Variants in SUPV3L1 observed in about 807,000 individuals in gnomAD.
SUPV3L1 encodes the protein ATP-dependent RNA helicase SUPV3L1, mitochondrial.
SUPV3L1 carries 35 observed loss-of-function variants against 70.0 expected under a neutral mutation model. The ratio of observed to expected loss-of-function variants is 0.50; its 90% CI spans 0.38 to 0.66. SUPV3L1 has a LOEUF of 0.66. Among genes scored for constraint, SUPV3L1 ranks in the 30% least tolerant of loss-of-function variants. SUPV3L1 has a pLI of 0.00. For synonymous variants in SUPV3L1, 364 were observed against 341.9 expected, an observed-to-expected ratio of 1.06 and a Z score of -0.71; for missense variants, 777 against 961.5, an observed-to-expected ratio of 0.81 and a Z score of 2.54.
chr10:69,180,879 C>A (rs1280966317), intron 1 of SUPV3L1, among the ~76,000 whole-genome samples: 2 of 152,196 alleles, frequency 1.3e-5, no homozygotes, highest in Non-Finnish European at 2.9e-5. Flanking sequence ...CTCTTTCTTG[C>A]ATTCTTTGTT....
At chr10:69,192,126 A>T (rs1365031532) in intron 6 of SUPV3L1, 1 of 157,436 alleles carries the variant, frequency 6.4e-6, no homozygotes, top group African/African-American at 2.4e-5. Flanking sequence ...TTAATTTTAA[A>T]ATACACTTGA....
intron 1 of SUPV3L1, among the ~76,000 whole-genome samples, chr10:69,184,520 A>T (rs1842161359): frequency 6.6e-6 from 1 of 152,094 alleles, no homozygotes; most frequent in African/African-American, 2.4e-5. Context: ...GGGCAACAAG[A>T]GTGAAACACT....
chr10:69,207,059 G>A (rs1040543691), intron 13 of SUPV3L1, among the ~76,000 whole-genome samples: 2 of 152,128 alleles, frequency 1.3e-5, no homozygotes, highest in Non-Finnish European at 2.9e-5. Context: ...ACTTAAGCTC[G>A]TATTTGAGGT....
At position 69,180,477 on chromosome 10, in the gene SUPV3L1, C is replaced by T; in HGVS notation, c.186C>T (p.Ser62=). Residue 62 remains serine (S), a synonymous_variant, in exon 1 of 15, where the codon TCC becomes TCT. Coordinates refer to ENST00000359655, the MANE Select transcript of SUPV3L1 (RefSeq NM_003171.5). ...ASGGSKIPNT[S]LFVPLTVKPQ... ...GTGGCTCCAAAATACCAAACACGTC[C>T]TTGTTCGTGCCCCTGACTGTGAAAC... 1 of 1,614,264 alleles carries T rather than the reference C, an allele frequency of 6.2e-7. No homozygotes were observed. The highest frequency in any genetic ancestry group is 1.7e-5 in the Admixed American group (1 of 60,038).
At chr10:69,186,359 C>G in intron 2 of SUPV3L1, 84 bp from the exon 3 acceptor site, 7 of 780,700 alleles carry the variant, frequency 9.0e-6, no homozygotes, top group Non-Finnish European at 1.3e-5. Context: ...AAAAAAGACT[C>G]TTTGATGAGT....
At position 69,180,516 on chromosome 10, in the gene SUPV3L1, C is replaced by G; in HGVS notation, c.225C>G (p.Ser75Arg). The G allele has an allele frequency of 6.2e-7, 1 of 1,614,234 alleles. No homozygotes were observed. The highest frequency in any genetic ancestry group is 8.5e-7 in the Non-Finnish European group (1 of 1,180,044). The change falls in exon 1 of 15, where the codon AGC becomes AGG. Residue 75 changes from serine (S) to arginine (R), a missense_variant. Ser to Arg is a moderately radical substitution (Grantham distance 110). Coordinates refer to ENST00000359655, the MANE Select transcript of SUPV3L1 (RefSeq NM_003171.5). ...VPLTVKPQGP[S>R]ADGDVGAELT... ...TGACTGTGAAACCTCAGGGCCCCAGCGCCGACGGCGACGTCGGGGCCGAGC... is the reference window on the plus strand; with the variant it reads ...TGACTGTGAAACCTCAGGGCCCCAGGGCCGACGGCGACGTCGGGGCCGAGC...
rs1315637490 is a variant in SUPV3L1 at position 69,198,914 on chromosome 10, C to T, written c.1205-190C>T. On this transcript the variant is annotated intron_variant, in intron 9 of 14. Coordinates refer to ENST00000359655, the MANE Select transcript of SUPV3L1 (RefSeq NM_003171.5). Reference sequence around the variant, plus strand: ...GGTGGGGGATTGTGTTGCTATATGACGGAGTATTTGAAGGAATGGATGTAA... The same window carrying T: ...GGTGGGGGATTGTGTTGCTATATGATGGAGTATTTGAAGGAATGGATGTAA... Among the ~76,000 whole-genome samples, 6 of 151,968 alleles carry T rather than the reference C, an allele frequency of 3.9e-5. No individual in the cohort carries two copies. In the East Asian group the frequency reaches 5.8e-4, roughly 15 times the overall value.
At chr10:69,187,886 T>C in intron 4 of SUPV3L1, 130 bp downstream of exon 4, 2 of 616,922 alleles carry the variant, frequency 3.2e-6, no homozygotes, top group Non-Finnish European at 5.5e-6. Flanking sequence ...TTTCCTAAAA[T>C]AAAAAGAGGC....
chr10:69,202,916 A>G lies in SUPV3L1; in HGVS notation c.1649A>G (p.Asn550Ser). The G allele has an allele frequency of 6.2e-7, 1 of 1,613,964 alleles. No individual in the cohort carries two copies. Among genetic ancestry groups the G allele is most frequent in the Non-Finnish European group, 8.5e-7 (1 of 1,179,960 alleles). The change falls in exon 13 of 15, where the codon AAT becomes AGT. Residue 550 changes from asparagine (N) to serine (S), a missense_variant. Coordinates refer to ENST00000359655, the MANE Select transcript of SUPV3L1 (RefSeq NM_003171.5). ...SQVDGQYFVC[N>S]MDDFKFSAEL... ...GTTGATGGGCAGTATTTTGTCTGCA[A>G]TATGGATGATTTTAAATTTTCTGCA...
At chr10:69,204,618 T>TA (rs145708103) in intron 13 of SUPV3L1, among the ~76,000 whole-genome samples, 6,275 of 152,182 alleles carry the variant, frequency 0.041, 461 homozygotes, top group African/African-American at 0.14. Flanking sequence ...ACAGATAGCT[T>TA]AAATGTGGCT....
Position 69,186,205 on chromosome 10 carries a change from A to G in SUPV3L1, c.349+141A>G, listed in dbSNP as rs554692554. The G allele has an allele frequency of 5.7e-4, 467 of 818,470 alleles. 1 individual carries two copies. The Middle Eastern group carries it at 8.4e-3, about 15-fold the overall frequency. The allele number at this position is 818,470 out of a possible 1,614,324, so 50.7% of individuals were successfully genotyped here. ...CTCTTTGCTTCTGGCTGAGTGGGAGACTGGCGAGGCTCACCTGGTGAGCCA... is the reference window on the plus strand; with the variant it reads ...CTCTTTGCTTCTGGCTGAGTGGGAGGCTGGCGAGGCTCACCTGGTGAGCCA... On this transcript the variant is annotated intron_variant, in intron 2 of 14. Coordinates refer to ENST00000359655, the MANE Select transcript of SUPV3L1 (RefSeq NM_003171.5).
rs901001756 is a variant in SUPV3L1 at position 69,202,135 on chromosome 10, A to G, written c.1519-304A>G. ...ATTACAGGCATGAGCCACCACACCC[A>G]GCCCATAAAATCATTTTTTGTACAC... is the stretch of plus-strand genomic sequence containing the variant. On this transcript the variant is annotated intron_variant, in intron 11 of 14. Transcript: ENST00000359655. Among the ~76,000 whole-genome samples, 6 of 152,156 alleles carry G rather than the reference A, an allele frequency of 3.9e-5. No homozygotes were observed. In the East Asian group the frequency reaches 7.7e-4, roughly 20 times the overall value.
At chr10:69,182,749 C>A in intron 1 of SUPV3L1, 1 of 867,048 alleles carries the variant, frequency 1.2e-6, no homozygotes, top group Non-Finnish European at 1.4e-6. Context: ...GAAGATGGTG[C>A]ATTACTACAC....
chr10:69,180,381 C>A lies in SUPV3L1; in HGVS notation c.90C>A (p.Pro30=). 1 of 1,614,262 alleles carries A rather than the reference C, an allele frequency of 6.2e-7. No individual in the cohort carries two copies. The highest frequency in any genetic ancestry group is 8.5e-7 in the Non-Finnish European group (1 of 1,180,044). Residue 30 remains proline (P), a synonymous_variant, in exon 1 of 15, where the codon CCC becomes CCA. Transcript: ENST00000359655. ...HRAAICSALR[P]HFGPFPGVLG... is the part of the protein sequence containing the mutation. ...CAGCCATCTGCTCTGCCCTTCGTCC[C>A]CACTTTGGGCCCTTTCCCGGGGTTC...
At chr10:69,205,828 C>T (rs1473776033) in intron 13 of SUPV3L1, among the ~76,000 whole-genome samples, 1 of 152,248 alleles carries the variant, frequency 6.6e-6, no homozygotes, top group Non-Finnish European at 1.5e-5. Context: ...AGCCACCACA[C>T]CCGGCCGCTC....
intron 13 of SUPV3L1, among the ~76,000 whole-genome samples, chr10:69,206,171 C>A (rs1842822971): frequency 6.6e-6 from 1 of 152,188 alleles, no homozygotes; most frequent in Non-Finnish European, 1.5e-5. Context: ...AGAACTCATG[C>A]TTGGCCTGTC....
intron 13 of SUPV3L1, among the ~76,000 whole-genome samples, chr10:69,205,333 C>T (rs2132307406): frequency 6.6e-6 from 1 of 152,114 alleles, no homozygotes; most frequent in Admixed American, 6.5e-5. Context: ...TGAATAGAAG[C>T]TCTTTACTAA....
rs763185571 is a variant in SUPV3L1 at position 69,180,471 on chromosome 10, C to T, written c.180C>T (p.Asn60=). 6 of 1,614,256 alleles carry T rather than the reference C, an allele frequency of 3.7e-6. No homozygotes were observed. The highest frequency in any genetic ancestry group is 4.2e-6 in the Non-Finnish European group (5 of 1,180,044). The change falls in exon 1 of 15, where the codon AAC becomes AAT. Residue 60 remains asparagine, a synonymous_variant. Transcript: ENST00000359655. ...SSASGGSKIP[N]TSLFVPLTVK... ...CCTCCGGTGGCTCCAAAATACCAAA[C>T]ACGTCCTTGTTCGTGCCCCTGACTG...
rs748017555 is a variant in SUPV3L1 at position 69,180,276 on chromosome 10, A to G, written c.-16A>G. On this transcript the variant is annotated 5_prime_UTR_variant, in exon 1 of 15. Transcript: ENST00000359655. ...TGTCCGCGGCTGCGCCAGACAGTGT[A>G]GAACCTGCGGCCTCGATGTCCTTCT... 6.2e-6 allele frequency: 10 copies of G among 1,611,764 alleles called. No homozygotes were observed. The East Asian group carries it at 6.7e-5, about 11-fold the overall frequency.
Sources: gnomAD v4.1 joint callset for allele counts (sites outside exome capture counted in the v4.1 genomes callset) on GRCh38, gnomAD v4.1.1 for gene constraint, MANE v1.5 for transcripts, NCBI Gene and HGNC (gene_info 2026-07-23, HGNC 2026-07-21) for gene names.